The following PLA2R1 variants were observed in gnomAD, a reference collection of about 807,000 sequenced individuals.
PLA2R1 encodes the protein secretory phospholipase A2 receptor.
A neutral mutation model predicts 195.9 loss-of-function variants in PLA2R1; 158 were observed. The ratio of observed to expected loss-of-function variants is 0.81; its 90% CI spans 0.71 to 0.92. PLA2R1 has a LOEUF of 0.92. Among genes scored for constraint, PLA2R1 ranks in the 40% least tolerant of loss-of-function variants. The pLI, the probability that PLA2R1 is intolerant of heterozygous loss-of-function variation, is 0.00. For synonymous variants in PLA2R1, 586 were observed against 598.2 expected (o/e 0.98, Z 0.30); for missense variants, 1,626 against 1,764.6 (o/e 0.92, Z 1.41).
At chr2:159,931,928 CT>C (rs1686607118), downstream of PLA2R1, 2 of 152,098 alleles carry the variant, frequency 1.3e-5, no homozygotes, top group African/African-American at 4.8e-5. Context: ...CTTATGATTC[CT>C]TCCTTTAACT....
chr2:160,050,879 A>G (rs1695172736), intron 1 of PLA2R1, among the ~76,000 whole-genome samples: 1 of 152,144 alleles, frequency 6.6e-6, no homozygotes, highest in South Asian at 2.1e-4. Flanking sequence ...TACCTAGAGG[A>G]AGTTTCTCCT....
rs1696027031 is a variant in PLA2R1 at position 160,062,364 on chromosome 2, CCAGCAGCAGCAGCAGCAGCAGCGA to C, written c.16_39del (p.Ser6_Leu13del). ...CCCTCGGCGCAGCCCCGCGGCGCCCCCAGCAGCAGCAGCAGCAGCAGCGACGGCGACAGCAGCATCGCTAACCAC... is the reference window on the plus strand; with the variant it reads ...CCCTCGGCGCAGCCCCGCGGCGCCCCCGGCGACAGCAGCATCGCTAACCAC... On this transcript the variant is annotated inframe_deletion, in exon 1 of 30. Coordinates refer to ENST00000283243, the MANE Select transcript of PLA2R1 (RefSeq NM_007366.5). 6.8e-7 allele frequency: 1 copy of C among 1,467,918 alleles called. No individual in the cohort carries two copies. Among genetic ancestry groups the C allele is most frequent in the Non-Finnish European group, 9.1e-7 (1 of 1,096,128 alleles). The allele number at this position is 1,467,918 out of a possible 1,614,324, so 90.9% of individuals were successfully genotyped here.
In PLA2R1 at chr2:159,935,833, C is replaced by T. The variant is rs1395588213; in HGVS notation, c.*5945G>A. ...TTACTTTCTTTCAATCTTGTATTTC[C>T]ATTCCAACTCCCCCACAGAATTTTA... On this transcript the variant is annotated 3_prime_UTR_variant, in exon 30 of 30. Coordinates refer to ENST00000283243, the MANE Select transcript of PLA2R1 (RefSeq NM_007366.5). The T allele has an allele frequency of 6.6e-6, 1 of 151,998 alleles. No homozygotes were observed. The highest frequency in any genetic ancestry group is 1.5e-5 in the Non-Finnish European group (1 of 68,006). The allele number at this position is 151,998 out of a possible 1,614,324, so 9.4% of individuals were successfully genotyped here.
chr2:159,989,013 C>G (rs904228968), intron 11 of PLA2R1, among the ~76,000 whole-genome samples: 2 of 152,208 alleles, frequency 1.3e-5, no homozygotes, highest in Non-Finnish European at 2.9e-5. Flanking sequence ...GAAGAACCCC[C>G]TGGGCCTCTG....
intron 9 of PLA2R1, 85 bp from the exon 10 acceptor site, chr2:160,013,460 T>G: frequency 1.4e-6 from 1 of 689,916 alleles, no homozygotes; most frequent in South Asian, 2.0e-5. Context: ...TTTTACCACC[T>G]ACATAACTTT....
intron 10 of PLA2R1, among the ~76,000 whole-genome samples, chr2:160,007,267 A>G (rs1391299276): frequency 6.6e-6 from 1 of 152,200 alleles, no homozygotes. Flanking sequence ...ATCTCCTCTG[A>G]GGCAGAGTAG....
intron 17 of PLA2R1, among the ~76,000 whole-genome samples, chr2:159,972,452 A>T (rs1390917749): frequency 6.6e-6 from 1 of 152,234 alleles, no homozygotes; most frequent in East Asian, 1.9e-4. Context: ...CAGCCATTAT[A>T]GTTAGCATCA....
Position 160,044,772 on chromosome 2 carries a change from A to G in PLA2R1, c.493+2T>C. On this transcript the variant is annotated splice_donor_variant, in intron 2 of 29. Transcript: ENST00000283243. LOFTEE classifies it high-confidence loss of function. ...CTGAGTGCTTCTTTAAATTATTTTT[A>G]CCTTTGTGTAGATATTCACAAATGT... The G allele has an allele frequency of 6.2e-7, 1 of 1,601,274 alleles. No individual in the cohort carries two copies. The highest frequency in any genetic ancestry group is 1.1e-5 in the South Asian group (1 of 90,144).
downstream of PLA2R1, among the ~76,000 whole-genome samples, chr2:159,929,812 T>C (rs1686546947): frequency 7.2e-6 from 1 of 138,072 alleles, no homozygotes; most frequent in Non-Finnish European, 1.5e-5. Flanking sequence ...TATATCTATA[T>C]GTATATGTAT....
chr2:160,030,123 G>C (rs113974809), intron 4 of PLA2R1, among the ~76,000 whole-genome samples: 1,688 of 152,298 alleles, frequency 0.011, 24 homozygotes, highest in Middle Eastern at 0.061. Flanking sequence ...GGTCATTGTA[G>C]TCATATAACA....
At chr2:159,966,878 G>C (rs1203338686) in intron 20 of PLA2R1, among the ~76,000 whole-genome samples, 1 of 152,118 alleles carries the variant, frequency 6.6e-6, no homozygotes, top group Admixed American at 6.5e-5. Context: ...AGTGGAGGGA[G>C]ACTAGGCCTT....
chr2:159,986,096 C>T (rs1034706684), intron 12 of PLA2R1, among the ~76,000 whole-genome samples: 5 of 152,070 alleles, frequency 3.3e-5, no homozygotes, highest in African/African-American at 1.2e-4. Flanking sequence ...GGGAATGGCT[C>T]ACCATGGATC....
chr2:159,973,527 G>C (rs1574706652), intron 17 of PLA2R1, among the ~76,000 whole-genome samples: 1 of 151,938 alleles, frequency 6.6e-6, no homozygotes, highest in Non-Finnish European at 1.5e-5. Context: ...ACCTTGGAGA[G>C]CTCCTTTGCC....
chr2:160,031,121 T>C (rs1458545465), intron 4 of PLA2R1, among the ~76,000 whole-genome samples: 2 of 152,230 alleles, frequency 1.3e-5, no homozygotes, highest in Non-Finnish European at 2.9e-5. Context: ...ACATTGCTCA[T>C]TCATTTCTTA....
chr2:159,998,168 T>C (rs1691353648), intron 11 of PLA2R1, among the ~76,000 whole-genome samples: 1 of 152,180 alleles, frequency 6.6e-6, no homozygotes, highest in Admixed American at 6.6e-5. Flanking sequence ...TCTTAGAATG[T>C]ATGGGTGAGG....
At chr2:159,926,108 A>G in the PLA2R1 span, among the ~76,000 whole-genome samples, 1 of 152,250 alleles carries the variant, frequency 6.6e-6, no homozygotes, top group Non-Finnish European at 1.5e-5. Context: ...ACCAGTATCA[A>G]CAAAGCACTG....
chr2:160,012,959 TC>T (rs1692467331), intron 10 of PLA2R1, among the ~76,000 whole-genome samples: 1 of 152,074 alleles, frequency 6.6e-6, no homozygotes, highest in Non-Finnish European at 1.5e-5. Context: ...GGGTTTCATT[TC>T]CCATATAAGC....
intron 10 of PLA2R1, among the ~76,000 whole-genome samples, chr2:160,009,469 T>C (rs1271022004): frequency 6.6e-6 from 1 of 152,186 alleles, no homozygotes; most frequent in Non-Finnish European, 1.5e-5. Context: ...ATATGAGACA[T>C]GTAGAGTAGT....
intron 20 of PLA2R1, 98 bp downstream of exon 20, chr2:159,967,441 A>G: frequency 4.8e-6 from 5 of 1,034,140 alleles, no homozygotes; most frequent in Non-Finnish European, 7.1e-6. Flanking sequence ...CCTATGGACA[A>G]CTCACAGCTT....
Sources: allele counts gnomAD v4.1 joint callset (sites outside exome capture counted in the v4.1 genomes callset), GRCh38; gene constraint gnomAD v4.1.1; transcripts MANE v1.5; gene names NCBI Gene and HGNC (gene_info 2026-07-23, HGNC 2026-07-21).